DNAH1: variants seen among roughly 807,000 people sequenced by gnomAD.
DNAH1 encodes axonemal beta dynein heavy chain 1.
DNAH1 carries 327 observed loss-of-function variants against 484.3 expected under a neutral mutation model. That is an observed-to-expected ratio of 0.68 (90% CI 0.62 to 0.74). DNAH1 has a LOEUF of 0.74. Ranked by LOEUF, DNAH1 falls within the 30% of genes least tolerant of loss-of-function variation. The probability of loss-of-function intolerance (pLI) is 0.00; values close to 1 mark genes in which losing one functional copy is unlikely to be tolerated. For synonymous variants in DNAH1, 2,192 were observed against 2,191.9 expected (o/e 1.00, Z 0.00); for missense variants, 5,052 against 5,546.8 (o/e 0.91, Z 2.83).
intron 46 of DNAH1, among the ~76,000 whole-genome samples, chr3:52,377,563 T>C (rs541965041): frequency 3.7e-4 from 57 of 152,172 alleles, no homozygotes; most frequent in African/African-American, 1.3e-3. Flanking sequence ...GTCTTGACAA[T>C]GGTAGGCAAA....
At chr3:52,398,289 G>A (rs981976382) in intron 75 of DNAH1, 127 bp downstream of exon 75, 1 of 1,189,134 alleles carries the variant, frequency 8.4e-7, no homozygotes, top group Non-Finnish European at 1.1e-6. Context: ...GCTATTTTTT[G>A]TTGTTGTTGT....
At chr3:52,372,530 G>A in intron 43 of DNAH1, 143 bp downstream of exon 43, 2 of 1,206,210 alleles carry the variant, frequency 1.7e-6, no homozygotes, top group Admixed American at 4.8e-5. Flanking sequence ...AATGGGCCCA[G>A]GGTTCCCTCA....
At chr3:52,399,229 G>A in intron 76 of DNAH1, 28 bp downstream of exon 76, 1 of 1,576,512 alleles carries the variant, frequency 6.3e-7, no homozygotes, top group Non-Finnish European at 8.6e-7. Flanking sequence ...GCCAGGTCAG[G>A]TGACAGGCTA....
intron 8 of DNAH1, among the ~76,000 whole-genome samples, chr3:52,339,444 A>G (rs937166749): frequency 2.0e-5 from 3 of 151,938 alleles, no homozygotes; most frequent in Non-Finnish European, 4.4e-5. Flanking sequence ...ACATTTGTCC[A>G]TTTATATGTT....
rs1323637275 is a variant in DNAH1 at position 52,383,810 on chromosome 3, G to T, written c.8151-50G>T. On this transcript the variant is annotated intron_variant, in intron 51 of 77. Coordinates refer to ENST00000420323, the MANE Select transcript of DNAH1 (RefSeq NM_015512.5). ...AAGGGCCCTGGGTCCTGGGCTCCTG[G>T]GGTCGTTGGTCAGTGTCTCTGGACC... is the stretch of plus-strand genomic sequence containing the variant. The T allele has an allele frequency of 2.0e-6, 3 of 1,531,738 alleles. No homozygotes were observed. In the South Asian group the frequency reaches 3.8e-5, roughly 20 times the overall value. The allele number at this position is 1,531,738 out of a possible 1,614,324, so 94.9% of individuals were successfully genotyped here.
At chr3:52,396,332 T>C (rs373907324) in intron 70 of DNAH1, 36 bp from the exon 71 acceptor site, 3 of 1,547,206 alleles carry the variant, frequency 1.9e-6, no homozygotes, top group Non-Finnish European at 2.6e-6. Context: ...CCACCAGATA[T>C]GGGTCTCAAT....
Position 52,354,792 on chromosome 3 carries a change from C to T in DNAH1, c.3481-51C>T, listed in dbSNP as rs948630583. On this transcript the variant is annotated intron_variant, in intron 20 of 77. Transcript: ENST00000420323. Reference sequence around the variant, plus strand: ...TCCCTGGGCAGGGCTGGTCAGACAGCATCAGGACCAGCCCCTCCCAGGACT... The same window carrying T: ...TCCCTGGGCAGGGCTGGTCAGACAGTATCAGGACCAGCCCCTCCCAGGACT... 5.0e-6 allele frequency: 8 copies of T among 1,586,046 alleles called. No homozygotes were observed. In the Admixed American group the frequency reaches 1.0e-4, roughly 20 times the overall value.
chr3:52,374,785 C>T (rs954304519), intron 44 of DNAH1: 7 of 1,046,636 alleles, frequency 6.7e-6, no homozygotes, highest in Non-Finnish European at 1.0e-5. Flanking sequence ...GATGACTGTA[C>T]ACAACAGTCC....
In DNAH1 at chr3:52,370,805, G is replaced by A; in HGVS notation, c.6505G>A (p.Glu2169Lys). The change falls in exon 41 of 78, where the codon GAA (glutamate) becomes AAA (lysine). Residue 2169 changes from glutamate (E) to lysine (K), a missense_variant. By Grantham distance (56) the Glu-to-Lys change is moderately conservative (BLOSUM62 1). This residue lies in a region of DNAH1 where 2,929 missense variants were observed against 3,409.4 expected (regional missense o/e 0.86). Coordinates refer to ENST00000420323, the MANE Select transcript of DNAH1 (RefSeq NM_015512.5). ...CAGTGGCACCAACGACAGTGAGGATGAAGAGGAGGAATACAAGCAGGTGGC... is the reference window on the plus strand; with the variant it reads ...CAGTGGCACCAACGACAGTGAGGATAAAGAGGAGGAATACAAGCAGGTGGC... ...GISGTNDSED[E>K]EEEYKQVAWV... is the part of the protein sequence containing the mutation. 1 of 1,603,494 alleles carries A rather than the reference G, an allele frequency of 6.2e-7. No homozygotes were observed. Among genetic ancestry groups the A allele is most frequent in the Non-Finnish European group, 8.5e-7 (1 of 1,175,440 alleles).
chr3:52,345,530 C>A lies in DNAH1; in HGVS notation c.1480C>A (p.Gln494Lys). Residue 494 changes from glutamine to lysine, a missense_variant, in exon 10 of 78, where the codon CAG (glutamine) becomes AAG (lysine). Gln to Lys is a moderately conservative substitution (Grantham distance 53, BLOSUM62 1). Around this residue, in one of 4 missense-constraint regions of DNAH1, gnomAD observed 1,263 missense variants for 1,218.8 expected, o/e 1.04. Coordinates refer to ENST00000420323, the MANE Select transcript of DNAH1 (RefSeq NM_015512.5). The part of the protein sequence containing the change: ...VSVPKYHFWE[Q>K]KEDFTFVSLL... ...TGTCCCCAAGTACCACTTCTGGGAG[C>A]AGAAGGAGGACTTCACTTTCGTGTC... is the stretch of plus-strand genomic sequence containing the variant. The A allele has an allele frequency of 6.3e-7, 1 of 1,578,308 alleles. No individual in the cohort carries two copies. Among genetic ancestry groups the A allele is most frequent in the Non-Finnish European group, 8.6e-7 (1 of 1,161,284 alleles).
At chr3:52,320,151 C>T (rs1194146603) in intron 1 of DNAH1, among the ~76,000 whole-genome samples, 1 of 152,212 alleles carries the variant, frequency 6.6e-6, no homozygotes, top group Non-Finnish European at 1.5e-5. Flanking sequence ...CCAAGCCCTG[C>T]TCTGTTGGGT....
At chr3:52,339,794 GTGTGTGTGTC>G (rs1321827382) in intron 8 of DNAH1, among the ~76,000 whole-genome samples, 1 of 150,134 alleles carries the variant, frequency 6.7e-6, no homozygotes, top group Admixed American at 6.6e-5. Context: ...AATGTGCTCT[GTGTGTGTGTC>G]TGTGTGTGTG....
chr3:52,374,644 A>G lies in DNAH1; in HGVS notation c.6986-596A>G, dbSNP rs1197334292. The G allele has an allele frequency of 1.2e-5, 17 of 1,477,254 alleles. 1 individual carries two copies. The Admixed American group carries it at 1.3e-4, about 12-fold the overall frequency. The allele number at this position is 1,477,254 out of a possible 1,614,324, so 91.5% of individuals were successfully genotyped here. Reference sequence around the variant, plus strand: ...TACATCATGAGTTTAATCAGTGACAATGCAGCGAAGATTCTGCCCATCATG... The same window carrying G: ...TACATCATGAGTTTAATCAGTGACAGTGCAGCGAAGATTCTGCCCATCATG... On this transcript the variant is annotated intron_variant, in intron 44 of 77. Transcript: ENST00000420323.
chr3:52,323,274 G>A (rs1701216492), intron 2 of DNAH1, among the ~76,000 whole-genome samples: 1 of 152,066 alleles, frequency 6.6e-6, no homozygotes, highest in Admixed American at 6.6e-5. Flanking sequence ...ACGGCTGTGT[G>A]AAGAAGAAGG....
rs374535106 is a variant in DNAH1, at chr3:52,320,895, G to A, written c.-34-1514G>A. On this transcript the variant is annotated intron_variant, in intron 1 of 77. Coordinates refer to ENST00000420323, the MANE Select transcript of DNAH1 (RefSeq NM_015512.5). Reference sequence around the variant, plus strand: ...GGCTCCTTGCAACCTCTGTCTCCCGGGTTCAAGCGATTCTCCTGCCTCAGC... The same window carrying A: ...GGCTCCTTGCAACCTCTGTCTCCCGAGTTCAAGCGATTCTCCTGCCTCAGC... Among the ~76,000 whole-genome samples the A allele has an allele frequency of 3.1e-4, 46 of 150,672 alleles. No homozygotes were observed. The East Asian group carries it at 8.5e-3, about 28-fold the overall frequency.
Position 52,379,985 on chromosome 3 carries a change from C to G in DNAH1, c.7458C>G (p.Arg2486=). The G allele has an allele frequency of 6.3e-7, 1 of 1,588,330 alleles. No individual in the cohort carries two copies. The highest frequency in any genetic ancestry group is 8.6e-7 in the Non-Finnish European group (1 of 1,167,636). Residue 2486 remains arginine, a synonymous_variant, in exon 48 of 78, where the codon CGC becomes CGG. Coordinates refer to ENST00000420323, the MANE Select transcript of DNAH1 (RefSeq NM_015512.5). This position sits in a 1 kb window ranked among gnomAD's most constrained non-coding sequence, Gnocchi z 4.4. ...FRDRLVNEED[R]SWFDQLLKRC... ...ACCGACTGGTGAATGAGGAGGACCG[C>G]AGCTGGTTCGACCAGCTCCTCAAGC...
At chr3:52,373,690 A>G in intron 44 of DNAH1, 1 of 1,376,806 alleles carries the variant, frequency 7.3e-7, no homozygotes, top group Non-Finnish European at 1.0e-6. Flanking sequence ...TTTTTTATCC[A>G]GAAGTTATGT....
At position 52,352,622 on chromosome 3, in the gene DNAH1, G is replaced by A. The variant is rs374856706; in HGVS notation, c.2942G>A (p.Arg981His). The change falls in exon 18 of 78, where the codon CGT becomes CAT. Residue 981 changes from arginine to histidine, a missense_variant. This residue lies in a region of DNAH1 where 2,929 missense variants were observed against 3,409.4 expected (regional missense o/e 0.86). Transcript: ENST00000420323. Reference protein sequence around the residue: ...RAHEIANEVRRVKKQLKDCQQ... With the variant: ...RAHEIANEVRHVKKQLKDCQQ... ...CACGAGATCGCCAACGAGGTGCGGC[G>A]TGTCAAGAAGCAGCTGAAGGACTGC... 1.1e-5 allele frequency: 18 copies of A among 1,612,892 alleles called. No individual in the cohort carries two copies. Among genetic ancestry groups the A allele is most frequent in the South Asian group, 4.4e-5 (4 of 91,010 alleles).
At position 52,399,021 on chromosome 3, in the gene DNAH1, A is replaced by G. The variant is rs565200964; in HGVS notation, c.12261A>G (p.Ser4087=). The change falls in exon 76 of 78, where the codon TCA becomes TCG. Residue 4087 remains serine (S), a synonymous_variant. Coordinates refer to ENST00000420323, the MANE Select transcript of DNAH1 (RefSeq NM_015512.5). ...CCTACCCATCGCTCAAGCCTCTGTC[A>G]TCATGGGTCATGGACCTGCTGCAAC... ...AKAYPSLKPL[S]SWVMDLLQRL... 5 of 1,614,062 alleles carry G rather than the reference A, an allele frequency of 3.1e-6. No individual in the cohort carries two copies. In the South Asian group the frequency reaches 5.5e-5, roughly 18 times the overall value.
Sources: gnomAD v4.1 joint callset for allele counts (sites outside exome capture counted in the v4.1 genomes callset) on GRCh38, gnomAD v4.1.1 for gene constraint, gnomAD v4.1.1 regional missense constraint, Gnocchi (gnomAD v3.1) non-coding constraint, MANE v1.5 for transcripts, NCBI Gene and HGNC (gene_info 2026-07-23, HGNC 2026-07-21) for gene names.